The following RASAL2 variants were observed in gnomAD, a reference collection of about 807,000 sequenced individuals.
RASAL2 encodes the protein ras GTPase-activating protein nGAP.
A neutral mutation model predicts 128.9 loss-of-function variants in RASAL2; 58 were observed. That is an observed-to-expected ratio of 0.45 (90% CI 0.36 to 0.56). The LOEUF (loss-of-function observed/expected upper bound fraction) is 0.56. Among genes scored for constraint, RASAL2 ranks in the 20% least tolerant of loss-of-function variants. RASAL2 has a pLI of 0.00. For synonymous variants in RASAL2, 561 were observed against 580.8 expected, an observed-to-expected ratio of 0.97 and a Z score of 0.49; for missense variants, 1,360 against 1,601.6, an observed-to-expected ratio of 0.85 and a Z score of 2.57.
intron 3 of RASAL2, among the ~76,000 whole-genome samples, chr1:178,334,770 C>T (rs1669507437): frequency 6.6e-6 from 1 of 152,142 alleles, no homozygotes; most frequent in Non-Finnish European, 1.5e-5. Context: ...CCATCCTGGC[C>T]AACATGGTGA....
intron 3 of RASAL2, among the ~76,000 whole-genome samples, chr1:178,353,851 C>A (rs1670651626): frequency 6.6e-6 from 1 of 152,066 alleles, no homozygotes; most frequent in African/African-American, 2.4e-5. Context: ...TGCCTGTAGT[C>A]CCAGCTGCTC....
chr1:178,457,577 G>A (rs1286994636), intron 13 of RASAL2, 106 bp from the exon 14 acceptor site: 49 of 1,123,136 alleles, frequency 4.4e-5, no homozygotes, highest in South Asian at 6.3e-5. Flanking sequence ...AGAAATGTAC[G>A]TATCCACATA....
At chr1:178,217,264 T>A (rs1571646463) in intron 1 of RASAL2, among the ~76,000 whole-genome samples, 1 of 152,330 alleles carries the variant, frequency 6.6e-6, no homozygotes, top group Middle Eastern at 3.4e-3. Context: ...CATGAGCCAC[T>A]GCGCCCAGCC....
At chr1:178,142,295 G>A (rs1450684612) in intron 1 of RASAL2, among the ~76,000 whole-genome samples, 2 of 152,302 alleles carry the variant, frequency 1.3e-5, no homozygotes, top group Middle Eastern at 3.4e-3. Flanking sequence ...TTCCCAGGAT[G>A]TGTCTAGGGA....
chr1:178,365,900 A>G (rs1333107799), intron 3 of RASAL2, among the ~76,000 whole-genome samples: 1 of 152,198 alleles, frequency 6.6e-6, no homozygotes, highest in Non-Finnish European at 1.5e-5. Context: ...ATAGATTATT[A>G]CTTTGAATTA....
intron 3 of RASAL2, among the ~76,000 whole-genome samples, chr1:178,380,785 ACACAAT>A (rs1672239850): frequency 1.3e-5 from 2 of 152,246 alleles, no homozygotes; most frequent in African/African-American, 4.8e-5. Flanking sequence ...AAAAATTTAG[ACACAAT>A]CACAAGATGA....
At chr1:178,336,491 A>C (rs1355520238) in intron 3 of RASAL2, among the ~76,000 whole-genome samples, 1 of 152,086 alleles carries the variant, frequency 6.6e-6, no homozygotes, top group Admixed American at 6.6e-5. Flanking sequence ...ACTGAAACTG[A>C]GTGTTATCTG....
chr1:178,445,771 C>T, intron 9 of RASAL2, 109 bp downstream of exon 9: 1 of 1,168,904 alleles, frequency 8.6e-7, no homozygotes, highest in Non-Finnish European at 1.2e-6. Context: ...TTAGTTCTAG[C>T]TGACTCAGGT....
At chr1:178,191,291 A>G (rs1173949268) in intron 1 of RASAL2, among the ~76,000 whole-genome samples, 1 of 152,144 alleles carries the variant, frequency 6.6e-6, no homozygotes, top group East Asian at 1.9e-4. Flanking sequence ...CTTTTAAAAA[A>G]TTTCAGTATG....
chr1:178,409,305 T>C (rs78692608), intron 4 of RASAL2, among the ~76,000 whole-genome samples: 220 of 152,272 alleles, frequency 1.4e-3, no homozygotes, highest in African/African-American at 5.1e-3. Context: ...AACACAAAGC[T>C]TGCAGGGTTT....
intron 1 of RASAL2, among the ~76,000 whole-genome samples, chr1:178,245,212 A>G (rs901392595): frequency 2.0e-5 from 3 of 152,168 alleles, no homozygotes; most frequent in Admixed American, 6.5e-5. Context: ...AAGCGTTCCT[A>G]TTTCTCCGCA....
At chr1:178,230,587 C>T (rs967361938) in intron 1 of RASAL2, among the ~76,000 whole-genome samples, 2 of 152,100 alleles carry the variant, frequency 1.3e-5, no homozygotes, top group African/African-American at 4.8e-5. Context: ...ACTGGTGGTG[C>T]ACCCATACAG....
intron 1 of RASAL2, among the ~76,000 whole-genome samples, chr1:178,191,185 C>G (rs1266320745): frequency 6.6e-6 from 1 of 152,056 alleles, no homozygotes; most frequent in African/African-American, 2.4e-5. Context: ...TTAGCATACA[C>G]TCTAGAACTC....
chr1:178,335,394 G>A (rs929294405), intron 3 of RASAL2, among the ~76,000 whole-genome samples: 2 of 152,082 alleles, frequency 1.3e-5, no homozygotes, highest in African/African-American at 4.8e-5. Context: ...AAATAGAGGA[G>A]GAAAATAAGT....
At chr1:178,163,075 A>G (rs898270479) in intron 1 of RASAL2, among the ~76,000 whole-genome samples, 5 of 151,804 alleles carry the variant, frequency 3.3e-5, no homozygotes, top group Admixed American at 1.3e-4. Context: ...GTTTCAGGCA[A>G]TTCTCCTGCC....
chr1:178,430,294 T>A (rs1006556982), intron 5 of RASAL2, among the ~76,000 whole-genome samples: 12 of 152,188 alleles, frequency 7.9e-5, no homozygotes, highest in Non-Finnish European at 1.6e-4. Context: ...TAGAGTTTCC[T>A]ATTCCAGATT....
At chr1:178,211,096 GAC>G (rs1178917527) in intron 1 of RASAL2, among the ~76,000 whole-genome samples, 1 of 152,186 alleles carries the variant, frequency 6.6e-6, no homozygotes, top group African/African-American at 2.4e-5. Context: ...GGCTATTAAA[GAC>G]ACAGCTCAGT....
rs749165300 is a variant in RASAL2, at chr1:178,099,148, G to T, written c.202+4454G>T. Among the ~76,000 whole-genome samples the T allele has an allele frequency of 1.1e-4, 16 of 152,280 alleles. 1 individual carries two copies. In the South Asian group the frequency reaches 3.3e-3, roughly 32 times the overall value. ...TGGCTAGAAGAAAATCAGTGAGTGT[G>T]TATAAAATACATCCCCAAACATGTT... On this transcript the variant is annotated intron_variant, in intron 1 of 17. Coordinates refer to ENST00000367649, the MANE Select transcript of RASAL2 (RefSeq NM_170692.4).
At chr1:178,376,309 A>G (rs1671986484) in intron 3 of RASAL2, among the ~76,000 whole-genome samples, 1 of 152,150 alleles carries the variant, frequency 6.6e-6, no homozygotes, top group African/African-American at 2.4e-5. Context: ...TGAGAATGAC[A>G]GTAGGAGGTG....
Sources: gnomAD v4.1 joint callset for allele counts (sites outside exome capture counted in the v4.1 genomes callset) on GRCh38, gnomAD v4.1.1 for gene constraint, MANE v1.5 for transcripts, NCBI Gene and HGNC (gene_info 2026-07-23, HGNC 2026-07-21) for gene names.